Variants in AGBL4 observed in about 807,000 individuals in gnomAD.
AGBL4 encodes AGBL carboxypeptidase 4.
In AGBL4, 58 loss-of-function variants were observed where a neutral mutation model predicts 66.4. The ratio of observed to expected loss-of-function variants is 0.87; its 90% CI spans 0.71 to 1.09. The LOEUF (loss-of-function observed/expected upper bound fraction) is 1.09. AGBL4 is among the 50% of genes least tolerant of loss of function. AGBL4 has a pLI of 0.00. For synonymous variants in AGBL4, 234 were observed against 222.9 expected (o/e 1.05, Z -0.44); for missense variants, 579 against 631.0 (o/e 0.92, Z 0.88).
intron 4 of AGBL4, among the ~76,000 whole-genome samples, chr1:49,113,785 C>T (rs1645462152): frequency 3.3e-5 from 5 of 152,208 alleles, no homozygotes; most frequent in Admixed American, 3.3e-4. Context: ...TCCATCAGAG[C>T]TCTTGGGTGA....
At chr1:48,920,587 G>A (rs1001978156) in intron 5 of AGBL4, among the ~76,000 whole-genome samples, 1 of 152,158 alleles carries the variant, frequency 6.6e-6, no homozygotes, top group Non-Finnish European at 1.5e-5. Context: ...AACCCTATGA[G>A]GTAAGAATAA....
chr1:48,910,371 T>C (rs1434672955), intron 5 of AGBL4, among the ~76,000 whole-genome samples: 1 of 152,188 alleles, frequency 6.6e-6, no homozygotes, highest in Admixed American at 6.5e-5. Flanking sequence ...TTTAAAGCCA[T>C]TTTTAGTTGA....
At chr1:48,541,879 A>T (rs1442244760) in intron 11 of AGBL4, among the ~76,000 whole-genome samples, 1 of 152,182 alleles carries the variant, frequency 6.6e-6, no homozygotes, top group East Asian at 1.9e-4. Context: ...TCTGGGATAC[A>T]TGTGCAGAAC....
At chr1:48,649,499 T>C (rs1188552034) in intron 8 of AGBL4, among the ~76,000 whole-genome samples, 2 of 152,246 alleles carry the variant, frequency 1.3e-5, no homozygotes, top group African/African-American at 2.4e-5. Context: ...CTATAAACTT[T>C]AGTATAGGCT....
chr1:49,660,434 T>TAA (rs755379899), intron 3 of AGBL4, among the ~76,000 whole-genome samples: 5 of 152,114 alleles, frequency 3.3e-5, no homozygotes, highest in Non-Finnish European at 7.4e-5. Flanking sequence ...TGGCTATTGT[T>TAA]AAAAAGTCAA....
At chr1:49,756,866 T>C (rs549741169) in intron 2 of AGBL4, among the ~76,000 whole-genome samples, 2 of 152,288 alleles carry the variant, frequency 1.3e-5, no homozygotes, top group South Asian at 4.1e-4. Context: ...CTCTTTCCTT[T>C]ATAAATTACC....
At chr1:49,512,930 A>G (rs1649412399) in intron 3 of AGBL4, among the ~76,000 whole-genome samples, 1 of 152,028 alleles carries the variant, frequency 6.6e-6, no homozygotes, top group African/African-American at 2.4e-5. Context: ...AATCTTGTAA[A>G]AAATTCCCAA....
chr1:49,093,360 G>A (rs1158107179), intron 4 of AGBL4, among the ~76,000 whole-genome samples: 2 of 152,064 alleles, frequency 1.3e-5, no homozygotes, highest in Non-Finnish European at 2.9e-5. Context: ...TATCTTACTA[G>A]ATTCTCACAC....
intron 2 of AGBL4, among the ~76,000 whole-genome samples, chr1:49,749,712 G>A (rs942253721): frequency 2.8e-4 from 42 of 152,088 alleles, no homozygotes; most frequent in Non-Finnish European, 5.3e-4. Flanking sequence ...AGATGTCCAA[G>A]TCTTCTACAT....
chr1:49,948,100 A>ATATG (rs1655552813), intron 1 of AGBL4, among the ~76,000 whole-genome samples: 2 of 83,060 alleles, frequency 2.4e-5, no homozygotes, highest in East Asian at 1.0e-3. Context: ...ATGTATATGT[A>ATATG]TATATATGTA....
chr1:48,661,446 T>C (rs1646106103), intron 7 of AGBL4, among the ~76,000 whole-genome samples: 1 of 152,160 alleles, frequency 6.6e-6, no homozygotes, highest in African/African-American at 2.4e-5. Flanking sequence ...GAGAACCAGG[T>C]GAGAGCCAGA....
chr1:48,839,818 G>T (rs1646758570), intron 6 of AGBL4, among the ~76,000 whole-genome samples: 1 of 152,176 alleles, frequency 6.6e-6, no homozygotes, highest in Admixed American at 6.5e-5. Flanking sequence ...TGCTCTTGGT[G>T]TCAGCCCAGT....
intron 2 of AGBL4, among the ~76,000 whole-genome samples, chr1:49,741,867 C>T (rs909609892): frequency 2.0e-5 from 3 of 152,094 alleles, no homozygotes; most frequent in African/African-American, 2.4e-5. Context: ...ATGCTAAAAA[C>T]TCTCAATAAA....
intron 2 of AGBL4, among the ~76,000 whole-genome samples, chr1:49,716,603 G>A (rs1648161450): frequency 6.6e-6 from 1 of 152,020 alleles, no homozygotes; most frequent in Admixed American, 6.6e-5. Context: ...TTCATCCCTG[G>A]CATGCAACGC....
intron 4 of AGBL4, among the ~76,000 whole-genome samples, chr1:49,190,352 A>T (rs1393688963): frequency 6.6e-6 from 1 of 152,220 alleles, no homozygotes; most frequent in African/African-American, 2.4e-5. Context: ...TACACAGATG[A>T]GTCCTTTATT....
chr1:48,525,417 T>G, the AGBL4 span, among the ~76,000 whole-genome samples: 1 of 152,124 alleles, frequency 6.6e-6, no homozygotes, highest in South Asian at 2.1e-4. Context: ...GCTTCATTAT[T>G]TGTGTTGGAT....
intron 6 of AGBL4, 85 bp from the exon 7 acceptor site, chr1:48,663,326 G>T: frequency 8.1e-7 from 1 of 1,238,764 alleles, no homozygotes; most frequent in Non-Finnish European, 1.2e-6. Context: ...AACCCCAGAG[G>T]GAATGGGCTG....
chr1:49,144,264 C>A (rs1338927663), intron 4 of AGBL4, among the ~76,000 whole-genome samples: 1 of 151,986 alleles, frequency 6.6e-6, no homozygotes, highest in Non-Finnish European at 1.5e-5. Flanking sequence ...TAGAACTCTG[C>A]AAAAGACAGA....
At chr1:49,226,460 T>A (rs181730927) in intron 4 of AGBL4, among the ~76,000 whole-genome samples, 5 of 152,286 alleles carry the variant, frequency 3.3e-5, no homozygotes, top group African/African-American at 1.2e-4. Flanking sequence ...GTTTGAACCA[T>A]CACCCATGTC....
Sources: allele counts gnomAD v4.1 joint callset (sites outside exome capture counted in the v4.1 genomes callset), GRCh38; gene constraint gnomAD v4.1.1; transcripts MANE v1.5; gene names NCBI Gene and HGNC (gene_info 2026-07-23, HGNC 2026-07-21).